The following DMD variants were observed in gnomAD, a reference collection of about 807,000 sequenced individuals.
DMD encodes the protein mutant dystrophin.
Under a neutral mutation model 330.1 loss-of-function variants are expected in DMD, and 63 were observed. The ratio of observed to expected loss-of-function variants is 0.19; its 90% CI spans 0.16 to 0.24. DMD has a LOEUF of 0.24. DMD is among the 10% of genes least tolerant of loss of function. The pLI is 1.00. For synonymous variants in DMD, 1,223 were observed against 959.8 expected (o/e 1.27, Z -5.07); for missense variants, 3,344 against 2,684.1 (o/e 1.25, Z -5.43).
chrX:33,021,146 C>T (rs1027489487), intron 1 of DMD, among the ~76,000 whole-genome samples: 2 of 111,075 alleles, frequency 1.8e-5, no homozygotes, highest in Admixed American at 9.6e-5. Context: ...AATAAAAATG[C>T]AAATGATACT....
At chrX:31,858,160 C>A (rs2093646234) in intron 48 of DMD, among the ~76,000 whole-genome samples, 1 of 111,286 alleles carries the variant, frequency 9.0e-6, no homozygotes, top group South Asian at 3.7e-4. Flanking sequence ...TCATAATATA[C>A]TCTTCAGTGA....
At chrX:32,904,417 T>A (rs1228640808) in intron 2 of DMD, among the ~76,000 whole-genome samples, 1 of 111,058 alleles carries the variant, frequency 9.0e-6, no homozygotes, top group Admixed American at 9.6e-5. Context: ...GAGAGGAAGA[T>A]AGGTTTAATT....
chrX:32,346,514 T>C (rs1020304933), intron 38 of DMD, among the ~76,000 whole-genome samples: 4 of 111,533 alleles, frequency 3.6e-5, no homozygotes, highest in Non-Finnish European at 7.6e-5. Flanking sequence ...AATCTGAAAA[T>C]ATTAACACAC....
At chrX:32,897,884 T>C (rs1247294110) in intron 2 of DMD, among the ~76,000 whole-genome samples, 1 of 111,737 alleles carries the variant, frequency 8.9e-6, no homozygotes, top group Non-Finnish European at 1.9e-5. Context: ...GAGAATCTCA[T>C]AGTATTCTGC....
chrX:31,540,387 T>C (rs2073731884), intron 55 of DMD, among the ~76,000 whole-genome samples: 1 of 112,232 alleles, frequency 8.9e-6, no homozygotes, highest in South Asian at 3.7e-4. Flanking sequence ...CAGTGAGATT[T>C]TGAAGGAAAA....
At position 32,760,872 on chromosome X, in the gene DMD, C is replaced by T. The variant is rs139149012; in HGVS notation, c.649+48621G>A. Among the ~76,000 whole-genome samples the T allele has an allele frequency of 8.0e-3, 890 of 111,562 alleles. 7 individuals are homozygous for T. The highest frequency in any genetic ancestry group is 0.028 in the African/African-American group (862 of 30,687). On this transcript the variant is annotated intron_variant, in intron 7 of 78. Transcript: ENST00000357033. ...TAGCTTTTTGTACCTCACATAATGA[C>T]ATGATTTTCTATACCTTGAATATGC...
At chrX:31,448,514 T>C (rs1439482785) in intron 59 of DMD, among the ~76,000 whole-genome samples, 3 of 112,252 alleles carry the variant, frequency 2.7e-5, no homozygotes, top group African/African-American at 9.7e-5. Context: ...TTTGGCTATA[T>C]TTCACAGATT....
intron 43 of DMD, among the ~76,000 whole-genome samples, chrX:32,248,331 A>G (rs151325240): frequency 0.048 from 5,318 of 111,693 alleles, 321 homozygotes; most frequent in African/African-American, 0.16. Context: ...AACATTAGTT[A>G]AAACACTTAT....
intron 45 of DMD, among the ~76,000 whole-genome samples, chrX:31,959,857 C>T (rs956592762): frequency 4.7e-5 from 5 of 105,572 alleles, no homozygotes; most frequent in East Asian, 6.0e-4. Context: ...CTCCGCCTCC[C>T]GGGTTCGAGC....
At chrX:32,981,845 GA>G (rs1302831081) in intron 2 of DMD, among the ~76,000 whole-genome samples, 1 of 110,620 alleles carries the variant, frequency 9.0e-6, no homozygotes, top group Admixed American at 9.7e-5. Flanking sequence ...GCCTCTGCTG[GA>G]AATAAAAAAT....
intron 60 of DMD, among the ~76,000 whole-genome samples, chrX:31,370,098 C>CAAAAAAA (rs59989996): frequency 1.7e-5 from 1 of 59,323 alleles, no homozygotes; most frequent in African/African-American, 7.9e-5. Flanking sequence ...GGCTCCGTCT[C>CAAAAAAA]AAAAAAAAAA....
At chrX:33,014,604 T>G (rs2093764486) in intron 2 of DMD, among the ~76,000 whole-genome samples, 1 of 111,408 alleles carries the variant, frequency 9.0e-6, no homozygotes, top group African/African-American at 3.3e-5. Context: ...AGAATCAAAA[T>G]TCATGTGCAT....
intron 29 of DMD, among the ~76,000 whole-genome samples, chrX:32,421,099 C>G (rs1027398209): frequency 6.3e-5 from 7 of 111,931 alleles, no homozygotes; most frequent in African/African-American, 1.9e-4. Context: ...TTTCATCCTA[C>G]CCAATTACAT....
intron 11 of DMD, among the ~76,000 whole-genome samples, chrX:32,622,302 A>T (rs2058050597): frequency 9.0e-6 from 1 of 111,564 alleles, no homozygotes; most frequent in African/African-American, 3.3e-5. Flanking sequence ...TGGAGGTGTG[A>T]TACTAATAAG....
intron 2 of DMD, among the ~76,000 whole-genome samples, chrX:32,974,053 T>C (rs1356712030): frequency 2.7e-5 from 3 of 111,540 alleles, no homozygotes; most frequent in Admixed American, 9.6e-5. Context: ...CGTAAACTGG[T>C]GATAAATGGA....
intron 50 of DMD, among the ~76,000 whole-genome samples, chrX:31,798,578 T>C (rs2091931142): frequency 9.1e-6 from 1 of 109,566 alleles, no homozygotes; most frequent in African/African-American, 3.3e-5. Flanking sequence ...CAGCACCATG[T>C]AGTGCAAACA....
At chrX:32,503,605 G>C (rs1469148528) in intron 18 of DMD, among the ~76,000 whole-genome samples, 1 of 111,221 alleles carries the variant, frequency 9.0e-6, no homozygotes, top group African/African-American at 3.3e-5. Flanking sequence ...GCCCAGGCTG[G>C]AGTGCAGTGG....
At chrX:32,561,021 T>C (rs1404964195) in intron 16 of DMD, among the ~76,000 whole-genome samples, 1 of 111,892 alleles carries the variant, frequency 8.9e-6, no homozygotes, top group Admixed American at 9.5e-5. Context: ...TCTTCCACAA[T>C]GGATAAACTA....
chrX:31,963,563 G>T (rs1417220223), intron 45 of DMD, among the ~76,000 whole-genome samples: 4 of 110,742 alleles, frequency 3.6e-5, no homozygotes, highest in African/African-American at 9.9e-5. Flanking sequence ...TTGAGAAGGG[G>T]CTACTACCCA....
Sources: gnomAD v4.1 joint callset for allele counts (sites outside exome capture counted in the v4.1 genomes callset) on GRCh38, gnomAD v4.1.1 for gene constraint, MANE v1.5 for transcripts, NCBI Gene and HGNC (gene_info 2026-07-23, HGNC 2026-07-21) for gene names.